FOCAD: variants seen among roughly 807,000 people sequenced by gnomAD.
The protein encoded by FOCAD is KIAA1797.
FOCAD carries 198 observed loss-of-function variants against 225.6 expected under a neutral mutation model. The ratio of observed to expected loss-of-function variants is 0.88; its 90% CI spans 0.78 to 0.99. The LOEUF is 0.99. Ranked by LOEUF, FOCAD falls within the 50% of genes least tolerant of loss-of-function variation. The pLI is 0.00. For missense variants in FOCAD, 2,713 were observed against 2,123.6 expected (o/e 1.28, Z -5.46); for synonymous variants, 897 against 755.0 (o/e 1.19, Z -3.08).
At chr9:20,690,635 A>G (rs575836716) in intron 1 of FOCAD, among the ~76,000 whole-genome samples, 18 of 152,176 alleles carry the variant, frequency 1.2e-4, no homozygotes, top group African/African-American at 3.4e-4. Flanking sequence ...CACAGCCTTG[A>G]ACTCCTGGGC....
chr9:20,697,361 C>A (rs1823461710), intron 1 of FOCAD, among the ~76,000 whole-genome samples: 1 of 152,198 alleles, frequency 6.6e-6, no homozygotes, highest in Non-Finnish European at 1.5e-5. Flanking sequence ...TTCCTCTTTC[C>A]CAAACCCTGT....
intron 11 of FOCAD, among the ~76,000 whole-genome samples, chr9:20,799,304 T>A (rs1385291368): frequency 1.3e-5 from 2 of 152,220 alleles, no homozygotes; most frequent in South Asian, 2.1e-4. Context: ...GGTGTGGTGC[T>A]GAAAAGAATG....
chr9:20,665,051 T>C lies in FOCAD; in HGVS notation c.-78+6225T>C, dbSNP rs142524724. Among the ~76,000 whole-genome samples the C allele has an allele frequency of 1.9e-3, 285 of 152,066 alleles. 2 individuals are homozygous for C. Among genetic ancestry groups the C allele is most frequent in the African/African-American group, 6.7e-3 (279 of 41,490 alleles). Reference sequence around the variant, plus strand: ...AGTTGACTTAATTAAAAAAGGAAAATGATAAACCAGGGTAGAGTACTCCAG... The same window carrying C: ...AGTTGACTTAATTAAAAAAGGAAAACGATAAACCAGGGTAGAGTACTCCAG... On this transcript the variant is annotated intron_variant, in intron 2 of 45. Transcript: ENST00000380249.
chr9:20,934,235 T>C (rs993548154), intron 28 of FOCAD, among the ~76,000 whole-genome samples: 10 of 152,136 alleles, frequency 6.6e-5, no homozygotes, highest in African/African-American at 2.4e-4. Context: ...CTATTTATCG[T>C]TTTTAACTGC....
intron 4 of FOCAD, among the ~76,000 whole-genome samples, chr9:20,722,200 G>A (rs757529601): frequency 6.6e-6 from 1 of 151,402 alleles, no homozygotes; most frequent in Non-Finnish European, 1.5e-5. Context: ...GTGCCAGCAT[G>A]CCTGGCTTGG....
chr9:20,752,611 C>G (rs1587017697), intron 5 of FOCAD, among the ~76,000 whole-genome samples: 1 of 151,966 alleles, frequency 6.6e-6, no homozygotes, highest in Admixed American at 6.6e-5. Flanking sequence ...CAGCTTTGTT[C>G]TTTTGGCTTA....
At chr9:20,715,435 T>A (rs1294117452) in intron 2 of FOCAD, 25 bp downstream of exon 2, 1 of 1,447,014 alleles carries the variant, frequency 6.9e-7, no homozygotes, top group Admixed American at 1.9e-5. Flanking sequence ...TTATTTTTGC[T>A]CATGGTAACA....
intron 9 of FOCAD, among the ~76,000 whole-genome samples, chr9:20,779,958 T>G (rs1341860955): frequency 6.6e-6 from 1 of 152,118 alleles, no homozygotes; most frequent in Non-Finnish European, 1.5e-5. Context: ...ATACCTTCCC[T>G]CCACAGTCTG....
rs913260014 is a variant in FOCAD at position 20,929,042 on chromosome 9, T to C, written c.3079-316T>C. The C allele has an allele frequency of 2.3e-5, 5 of 216,228 alleles. No homozygotes were observed. In the South Asian group the frequency reaches 4.5e-4, roughly 20 times the overall value. 13.4% of individuals were successfully genotyped at this position (216,228 alleles called of 1,614,324 possible). On this transcript the variant is annotated intron_variant, in intron 26 of 43. Coordinates refer to ENST00000338382, the MANE Select transcript of FOCAD (RefSeq NM_001375567.1). ...TTTTTGTTTTTTTAATATATATACATGTGGGCTTTTAGGAACACTGAAATT... is the reference window on the plus strand; with the variant it reads ...TTTTTGTTTTTTTAATATATATACACGTGGGCTTTTAGGAACACTGAAATT...
chr9:20,672,404 A>G (rs1822091002), intron 2 of FOCAD, among the ~76,000 whole-genome samples: 1 of 152,222 alleles, frequency 6.6e-6, no homozygotes, highest in African/African-American at 2.4e-5. Flanking sequence ...CACATATTTA[A>G]GTTAAACAAA....
At chr9:20,949,565 G>T in intron 32 of FOCAD, 39 bp from the exon 33 acceptor site, 1 of 1,541,234 alleles carries the variant, frequency 6.5e-7, no homozygotes, top group Non-Finnish European at 9.0e-7. Flanking sequence ...ACTTTTTTAT[G>T]GGGGTGGGTG....
chr9:20,716,153 C>G (rs1448528836), intron 2 of FOCAD: 1 of 475,190 alleles, frequency 2.1e-6, no homozygotes, highest in Non-Finnish European at 4.6e-6. Context: ...GTAGAACACT[C>G]CTTATGCAAG....
rs569729818 is a variant in FOCAD, at chr9:20,750,628, A to G, written c.393-7462A>G. Among the ~76,000 whole-genome samples, 31 of 152,314 alleles carry G rather than the reference A, an allele frequency of 2.0e-4. No homozygotes were observed. In the South Asian group the frequency reaches 4.4e-3, roughly 21 times the overall value. On this transcript the variant is annotated intron_variant, in intron 5 of 43. Transcript: ENST00000338382. ...GATCTTGATATTTAGAAATAATACAATTCTCTATTAAGGAGAAAGCAGAAT... is the reference window on the plus strand; with the variant it reads ...GATCTTGATATTTAGAAATAATACAGTTCTCTATTAAGGAGAAAGCAGAAT...
At chr9:20,801,489 T>A (rs1213765277) in intron 11 of FOCAD, among the ~76,000 whole-genome samples, 2 of 152,166 alleles carry the variant, frequency 1.3e-5, no homozygotes, top group African/African-American at 2.4e-5. Context: ...CCCTGGAATA[T>A]ACATTTTAAT....
At chr9:20,693,061 A>C (rs1357143242) in intron 1 of FOCAD, among the ~76,000 whole-genome samples, 1 of 152,190 alleles carries the variant, frequency 6.6e-6, no homozygotes, top group African/African-American at 2.4e-5. Flanking sequence ...CAAACTCTCC[A>C]GTGGCTTCCC....
At chr9:20,983,482 G>A (rs939171290) in intron 39 of FOCAD, among the ~76,000 whole-genome samples, 1 of 149,438 alleles carries the variant, frequency 6.7e-6, no homozygotes, top group Non-Finnish European at 1.5e-5. Flanking sequence ...TGAGGCAGGA[G>A]AATCGCTTGA....
intron 35 of FOCAD, among the ~76,000 whole-genome samples, chr9:20,956,042 A>T (rs1031021292): frequency 6.6e-6 from 1 of 152,230 alleles, no homozygotes; most frequent in African/African-American, 2.4e-5. Context: ...AGTATATTTA[A>T]GTCCACGTAA....
At chr9:20,841,941 A>G (rs1356101915) in intron 15 of FOCAD, among the ~76,000 whole-genome samples, 1 of 151,726 alleles carries the variant, frequency 6.6e-6, no homozygotes, top group Non-Finnish European at 1.5e-5. Flanking sequence ...AGGTTTTGGT[A>G]TCTTGTTTTC....
At chr9:20,770,373 G>A in intron 8 of FOCAD, 135 bp downstream of exon 8, 4 of 783,680 alleles carry the variant, frequency 5.1e-6, no homozygotes, top group Non-Finnish European at 7.9e-6. Flanking sequence ...GCTGGCATCT[G>A]CTTAGCTTCT....
Sources: allele counts gnomAD v4.1 joint callset (sites outside exome capture counted in the v4.1 genomes callset), GRCh38; gene constraint gnomAD v4.1.1; transcripts MANE v1.5; gene names NCBI Gene and HGNC (gene_info 2026-07-23, HGNC 2026-07-21).